Variants in TMPRSS11E observed in about 807,000 individuals in gnomAD.
TMPRSS11E encodes transmembrane serine protease 11E.
Under a neutral mutation model 48.1 loss-of-function variants are expected in TMPRSS11E, and 38 were observed. That is an observed-to-expected ratio of 0.79 (90% CI 0.61 to 1.04). The LOEUF is 1.04. Among genes scored for constraint, TMPRSS11E ranks in the 50% least tolerant of loss-of-function variants. TMPRSS11E has a pLI of 0.00. For synonymous variants in TMPRSS11E, 158 were observed against 171.9 expected (o/e 0.92, Z 0.63); for missense variants, 530 against 510.8 (o/e 1.04, Z -0.36).
intron 2 of TMPRSS11E, among the ~76,000 whole-genome samples, chr4:68,464,686 A>G (rs962810315): frequency 6.6e-6 from 1 of 152,190 alleles, no homozygotes; most frequent in Non-Finnish European, 1.5e-5. Flanking sequence ...AATTGCCAAT[A>G]TTTGACTATT....
intron 9 of TMPRSS11E, among the ~76,000 whole-genome samples, chr4:68,488,761 G>A (rs1428561790): frequency 1.3e-5 from 2 of 152,018 alleles, no homozygotes; most frequent in Non-Finnish European, 2.9e-5. Flanking sequence ...GGATGGTTTC[G>A]ATCTCCTGAC....
chr4:68,449,121 T>G (rs1469039013), intron 1 of TMPRSS11E, among the ~76,000 whole-genome samples: 7 of 151,154 alleles, frequency 4.6e-5, no homozygotes, highest in South Asian at 4.2e-4. Context: ...TAAGAATCAG[T>G]TTTTTTTTTT....
In TMPRSS11E at chr4:68,478,990, A is replaced by G; in HGVS notation, c.1109A>G (p.Gln370Arg). ...TTAGAAGGAAAAACAGATGCATGCC[A>G]GGTAAACAGTTTTGCCCATTAGTAG... The part of the protein sequence containing the change: ...GSLEGKTDAC[Q>R]GDSGGPLVSS... The change falls in exon 9 of 10, where the codon CAG becomes CGG. Residue 370 changes from glutamine to arginine, a missense_variant and splice_region_variant. Transcript: ENST00000305363. 2 of 1,612,964 alleles carry G rather than the reference A, an allele frequency of 1.2e-6. No homozygotes were observed. The highest frequency in any genetic ancestry group is 1.7e-6 in the Non-Finnish European group (2 of 1,179,674).
intron 9 of TMPRSS11E, among the ~76,000 whole-genome samples, chr4:68,480,094 T>C (rs1224461190): frequency 2.6e-5 from 4 of 152,170 alleles, no homozygotes. Context: ...TTTGATTATG[T>C]ATCTTGGCAT....
At chr4:68,469,304 CTCT>C (rs1729002423) in intron 4 of TMPRSS11E, among the ~76,000 whole-genome samples, 1 of 151,912 alleles carries the variant, frequency 6.6e-6, no homozygotes, top group Non-Finnish European at 1.5e-5. Flanking sequence ...TTGTCTTTAG[CTCT>C]TCTTCCTCCT....
At chr4:68,492,653 C>T (rs1729761772) in intron 9 of TMPRSS11E, among the ~76,000 whole-genome samples, 1 of 152,094 alleles carries the variant, frequency 6.6e-6, no homozygotes, top group African/African-American at 2.4e-5. Context: ...AATGAATCAA[C>T]AATGTATATT....
chr4:68,482,437 A>C (rs35274454), intron 9 of TMPRSS11E, among the ~76,000 whole-genome samples: 49,191 of 151,344 alleles, frequency 0.33, 8,725 homozygotes, highest in East Asian at 0.77. Context: ...CAAAAGTCTT[A>C]ACTCATTCCG....
chr4:68,454,217 A>T lies in TMPRSS11E; in HGVS notation c.11+6694A>T, dbSNP rs1473351962. Among the ~76,000 whole-genome samples, 4 of 152,046 alleles carry T rather than the reference A, an allele frequency of 2.6e-5. No homozygotes were observed. In the East Asian group the frequency reaches 7.7e-4, roughly 29 times the overall value. On this transcript the variant is annotated intron_variant, in intron 1 of 9. Transcript: ENST00000305363. ...TAGGCTGGTGGATATATAGTTTTGA[A>T]GTGTAGGCAAGTGAGCTGAGCTGCA...
At chr4:68,476,777 A>G (rs1294033875) in intron 7 of TMPRSS11E, among the ~76,000 whole-genome samples, 1 of 152,190 alleles carries the variant, frequency 6.6e-6, no homozygotes, top group Non-Finnish European at 1.5e-5. Flanking sequence ...GAGTCTGGAT[A>G]GGTTGTAGGT....
chr4:68,469,056 T>C, intron 4 of TMPRSS11E, 110 bp downstream of exon 4: 1 of 891,506 alleles, frequency 1.1e-6, no homozygotes, highest in Non-Finnish European at 1.8e-6. Flanking sequence ...CAACAAACAT[T>C]TGACACTTGT....
intron 6 of TMPRSS11E, among the ~76,000 whole-genome samples, chr4:68,475,645 C>T (rs1443182887): frequency 6.6e-6 from 1 of 152,128 alleles, no homozygotes; most frequent in Non-Finnish European, 1.5e-5. Flanking sequence ...GTGCATGAGA[C>T]TAATTCATGA....
At chr4:68,493,060 TC>T (rs1276265531) in intron 9 of TMPRSS11E, among the ~76,000 whole-genome samples, 2 of 152,154 alleles carry the variant, frequency 1.3e-5, no homozygotes, top group African/African-American at 4.8e-5. Context: ...GTAATGTCCT[TC>T]CTAAAAATTT....
chr4:68,490,668 C>T (rs62317884), intron 9 of TMPRSS11E, among the ~76,000 whole-genome samples: 3 of 151,428 alleles, frequency 2.0e-5, no homozygotes, highest in Middle Eastern at 6.8e-3. Flanking sequence ...TTCCCACTAC[C>T]TCTCCTCAGA....
rs200501070 is a variant in TMPRSS11E at position 68,496,816 on chromosome 4, C to T, written c.*12C>T. ...AAACTGGTATCTAAGAGAGAAAAGC[C>T]TCATGGAACAGATAACATTTTTTTT... On this transcript the variant is annotated 3_prime_UTR_variant, in exon 10 of 10. Coordinates refer to ENST00000305363, the MANE Select transcript of TMPRSS11E (RefSeq NM_014058.4). 6.3e-7 allele frequency: 1 copy of T among 1,598,802 alleles called. No individual in the cohort carries two copies. The highest frequency in any genetic ancestry group is 1.4e-5 in the African/African-American group (1 of 73,768).
At position 68,476,319 on chromosome 4, in the gene TMPRSS11E, A is replaced by G. The variant is rs757426139; in HGVS notation, c.588A>G (p.Thr196=). Residue 196 remains threonine (T), a synonymous_variant, in exon 7 of 10, where the codon ACA becomes ACG. Coordinates refer to ENST00000305363, the MANE Select transcript of TMPRSS11E (RefSeq NM_014058.4). ...LGQSLRIVGG[T]EVEEGEWPWQ... is the part of the protein sequence containing the mutation. The stretch of plus-strand genomic sequence containing the variant: ...AGAGTCTCAGGATCGTTGGTGGGAC[A>G]GAAGTAGAAGAGGGTGAATGGCCCT... The G allele has an allele frequency of 5.6e-6, 9 of 1,614,100 alleles. No homozygotes were observed. Among genetic ancestry groups the G allele is most frequent in the East Asian group, 2.2e-5 (1 of 44,894 alleles).
chr4:68,496,876 C>A lies in TMPRSS11E; in HGVS notation c.*72C>A. The A allele has an allele frequency of 6.9e-7, 1 of 1,445,582 alleles. No individual in the cohort carries two copies. 89.5% of individuals were successfully genotyped at this position (1,445,582 alleles called of 1,614,324 possible). ...GGTGTGGAGGCCATTTTTAGAGATA[C>A]AGAATTGGAGAAGACTTGCAAAACA... On this transcript the variant is annotated 3_prime_UTR_variant, in exon 10 of 10. Transcript: ENST00000305363.
At chr4:68,455,321 A>AT (rs1023806132) in intron 1 of TMPRSS11E, among the ~76,000 whole-genome samples, 1 of 151,964 alleles carries the variant, frequency 6.6e-6, no homozygotes, top group African/African-American at 2.4e-5. Flanking sequence ...TTGGATGAAA[A>AT]TTGAAGACCA....
Position 68,447,496 on chromosome 4 carries a change from T to C in TMPRSS11E, c.-17T>C. 1.2e-6 allele frequency: 2 copies of C among 1,609,800 alleles called. No individual in the cohort carries two copies. The highest frequency in any genetic ancestry group is 1.7e-6 in the Non-Finnish European group (2 of 1,177,508). ...GTAGACCTCGACCTTCACAGGACTCTTCATTGCTGGTTGGCAATGATGTAT... is the reference window on the plus strand; with the variant it reads ...GTAGACCTCGACCTTCACAGGACTCCTCATTGCTGGTTGGCAATGATGTAT... On this transcript the variant is annotated 5_prime_UTR_variant, in exon 1 of 10. Transcript: ENST00000305363.
intron 1 of TMPRSS11E, among the ~76,000 whole-genome samples, chr4:68,457,996 G>A (rs1462135779): frequency 6.6e-6 from 1 of 152,050 alleles, no homozygotes; most frequent in Non-Finnish European, 1.5e-5. Context: ...ATGGGTTGAT[G>A]GGTGCAGCAA....
Sources: gnomAD v4.1 joint callset for allele counts (sites outside exome capture counted in the v4.1 genomes callset) on GRCh38, gnomAD v4.1.1 for gene constraint, MANE v1.5 for transcripts, NCBI Gene and HGNC (gene_info 2026-07-23, HGNC 2026-07-21) for gene names.